CSGALNACT1: variants seen among roughly 807,000 people sequenced by gnomAD.
CSGALNACT1 encodes chondroitin sulfate N-acetylgalactosaminyltransferase 1, also known as beta4GalNAcT-1.
A neutral mutation model predicts 51.0 loss-of-function variants in CSGALNACT1; 52 were observed. That is an observed-to-expected ratio of 1.02 (90% confidence interval 0.82 to 1.29). CSGALNACT1 has a LOEUF of 1.29. Ranked by LOEUF, CSGALNACT1 falls within the 50% of genes most tolerant of loss-of-function variation. The pLI is 0.00. For synonymous variants in CSGALNACT1, 341 were observed against 254.4 expected (o/e 1.34, Z -3.24); for missense variants, 935 against 679.2 (o/e 1.38, Z -4.19).
chr8:19,410,518 G>A (rs763687674), intron 8 of CSGALNACT1, among the ~76,000 whole-genome samples: 12 of 152,216 alleles, frequency 7.9e-5, no homozygotes, highest in East Asian at 3.9e-4. Context: ...CAAATATTTC[G>A]CTGAGGATCA....
intron 1 of CSGALNACT1, among the ~76,000 whole-genome samples, chr8:19,717,643 C>T (rs147198052): frequency 3.9e-5 from 6 of 152,292 alleles, no homozygotes; most frequent in Non-Finnish European, 5.9e-5. Flanking sequence ...ACGCCCTATT[C>T]GGGTCTCCGG....
At chr8:19,738,015 C>T (rs1402244509) in intron 1 of CSGALNACT1, among the ~76,000 whole-genome samples, 1 of 152,154 alleles carries the variant, frequency 6.6e-6, no homozygotes, top group East Asian at 1.9e-4. Flanking sequence ...ATGAACTGTA[C>T]ACTTAAAAAT....
chr8:19,744,183 C>T (rs914939012), intron 1 of CSGALNACT1, among the ~76,000 whole-genome samples: 2 of 152,110 alleles, frequency 1.3e-5, no homozygotes, highest in African/African-American at 2.4e-5. Context: ...CAGATGGCTA[C>T]GGGAAAGGTA....
chr8:19,454,789 T>TG (rs570013190), intron 5 of CSGALNACT1, among the ~76,000 whole-genome samples: 1 of 149,506 alleles, frequency 6.7e-6, no homozygotes, highest in African/African-American at 2.5e-5. Flanking sequence ...CAAAATGTAG[T>TG]AAAAAAAAAA....
intron 3 of CSGALNACT1, among the ~76,000 whole-genome samples, chr8:19,545,427 T>C (rs2086236858): frequency 6.6e-6 from 1 of 152,210 alleles, no homozygotes. Context: ...AGCCACCTCA[T>C]GCCTATAACT....
intron 1 of CSGALNACT1, among the ~76,000 whole-genome samples, chr8:19,637,823 G>C (rs573795822): frequency 2.7e-5 from 4 of 148,718 alleles, no homozygotes; most frequent in African/African-American, 7.4e-5. Flanking sequence ...GAATGTTCTC[G>C]AAATCAGCCT....
intron 3 of CSGALNACT1, among the ~76,000 whole-genome samples, chr8:19,519,415 A>G (rs566305896): frequency 2.2e-4 from 34 of 152,088 alleles, no homozygotes; most frequent in Non-Finnish European, 2.6e-4. Flanking sequence ...CTTACGTTGC[A>G]AAAAGTAGAC....
chr8:19,682,671 T>C (rs539996934), upstream of CSGALNACT1: 92 of 454,114 alleles, frequency 2.0e-4, no homozygotes, highest in African/African-American at 2.0e-4. Context: ...AAGGAAGCCA[T>C]TGACACAAGT....
At chr8:19,418,809 C>T in intron 7 of CSGALNACT1, 59 bp from the exon 7 acceptor site, 2 of 1,255,360 alleles carry the variant, frequency 1.6e-6, no homozygotes, top group South Asian at 1.2e-5. Flanking sequence ...TAGGTTTGTT[C>T]CTTGACATTT....
chr8:19,571,335 A>T (rs1170124824), intron 3 of CSGALNACT1, among the ~76,000 whole-genome samples: 1 of 152,024 alleles, frequency 6.6e-6, no homozygotes, highest in African/African-American at 2.4e-5. Flanking sequence ...TCCCTACCTA[A>T]ACACCTATGA....
chr8:19,746,792 C>A (rs957988847), intron 1 of CSGALNACT1, among the ~76,000 whole-genome samples: 1 of 152,196 alleles, frequency 6.6e-6, no homozygotes, highest in South Asian at 2.1e-4. Flanking sequence ...AGATTTCTAG[C>A]TCATGTACAT....
At chr8:19,459,499 G>T (rs1031909306) in intron 4 of CSGALNACT1, among the ~76,000 whole-genome samples, 1 of 151,958 alleles carries the variant, frequency 6.6e-6, no homozygotes, top group African/African-American at 2.4e-5. Flanking sequence ...ATGGGTTGGG[G>T]GACCCTCTGG....
intron 3 of CSGALNACT1, among the ~76,000 whole-genome samples, chr8:19,519,488 A>G (rs980558915): frequency 2.0e-5 from 3 of 152,210 alleles, no homozygotes; most frequent in African/African-American, 7.2e-5. Flanking sequence ...TGTCCACAGC[A>G]GGGCAAAAGA....
chr8:19,505,120 C>T, intron 4 of CSGALNACT1, 81 bp downstream of exon 3: 1 of 1,538,872 alleles, frequency 6.5e-7, no homozygotes, highest in Non-Finnish European at 9.0e-7. Flanking sequence ...CTGCCAGCCT[C>T]CTGGAGCTGG....
intron 3 of CSGALNACT1, among the ~76,000 whole-genome samples, chr8:19,513,657 C>A (rs991531161): frequency 2.0e-5 from 3 of 151,780 alleles, no homozygotes; most frequent in African/African-American, 7.3e-5. Context: ...GTGTGAAGAT[C>A]ATGGAGTGTA....
exon 4 of CSGALNACT1, chr8:19,505,680 G>T: frequency 1.2e-6 from 2 of 1,614,110 alleles, no homozygotes; most frequent in Non-Finnish European, 1.7e-6. Context: ...CTCCTTCCCC[G>T]TGGGGCTGTT....
intron 1 of CSGALNACT1, among the ~76,000 whole-genome samples, chr8:19,671,689 G>A (rs2059805779): frequency 6.6e-6 from 1 of 152,152 alleles, no homozygotes; most frequent in African/African-American, 2.4e-5. Context: ...AAAGGTAGTA[G>A]GGACGAAGTA....
chr8:19,667,668 G>C (rs1209494224), intron 1 of CSGALNACT1, among the ~76,000 whole-genome samples: 4 of 151,034 alleles, frequency 2.6e-5, no homozygotes, highest in Non-Finnish European at 5.9e-5. Context: ...TAAGACTAAC[G>C]TCTCTTCCTC....
At chr8:19,456,784 G>T (rs906170150) in intron 5 of CSGALNACT1, among the ~76,000 whole-genome samples, 1 of 152,176 alleles carries the variant, frequency 6.6e-6, no homozygotes, top group African/African-American at 2.4e-5. Context: ...CTAAAGGCAA[G>T]CTCCAGCTAA....
Sources: gnomAD v4.1 joint callset for allele counts (sites outside exome capture counted in the v4.1 genomes callset) on GRCh38, gnomAD v4.1.1 for gene constraint, MANE v1.5 for transcripts, NCBI Gene and HGNC (gene_info 2026-07-23, HGNC 2026-07-21) for gene names.